Variants in ATF6B observed in about 807,000 individuals in gnomAD.
The protein encoded by ATF6B is cyclic AMP-dependent transcription factor ATF-6 beta.
A neutral mutation model predicts 83.5 loss-of-function variants in ATF6B; 50 were observed. The observed-to-expected ratio is 0.60, with a 90% CI of 0.48 to 0.76. The LOEUF (loss-of-function observed/expected upper bound fraction) is 0.76, where lower values mean the gene tolerates loss of function less well. Ranked by LOEUF, ATF6B falls within the 30% of genes least tolerant of loss-of-function variation. The pLI is 0.00. For missense variants in ATF6B, 790 were observed against 893.8 expected (o/e 0.88, Z 1.48); for synonymous variants, 344 against 362.8 (o/e 0.95, Z 0.59).
rs1157501422 is a variant in ATF6B at position 32,120,832 on chromosome 6, T to G, written c.771A>C (p.Pro257=). ...KPVVLTTVPM[P]SRAVPPSTTV... ...TGGTGCTGGGAGGCACAGCTCTGGA[T>G]GGCATTGGGACAGTGGTTAGCACTA... Residue 257 remains proline (P), a synonymous_variant, in exon 8 of 18, where the codon CCA becomes CCC. Transcript: ENST00000375203. 2.5e-6 allele frequency: 4 copies of G among 1,608,196 alleles called. No homozygotes were observed. The highest frequency in any genetic ancestry group is 3.4e-6 in the Non-Finnish European group (4 of 1,176,842).
At chr6:32,126,057 A>G in intron 5 of ATF6B, 60 bp downstream of exon 5, 2 of 1,603,914 alleles carry the variant, frequency 1.2e-6, no homozygotes, top group Non-Finnish European at 1.7e-6. Context: ...ACATACACAC[A>G]CACACATAAC....
intron 5 of ATF6B, among the ~76,000 whole-genome samples, chr6:32,123,457 C>G (rs759312911): frequency 6.6e-6 from 1 of 152,082 alleles, no homozygotes; most frequent in Admixed American, 6.6e-5. Context: ...TGGGCGATCT[C>G]GGCTCACTGC....
chr6:32,127,015 C>T, intron 4 of ATF6B, 88 bp downstream of exon 4: 2 of 1,211,650 alleles, frequency 1.7e-6, no homozygotes, highest in South Asian at 1.7e-5. Flanking sequence ...GCACACAAAT[C>T]ATTTAAATCA....
chr6:32,117,722 C>T lies in ATF6B; in HGVS notation c.1425-28G>A. The stretch of plus-strand genomic sequence containing the variant: ...GGAGTGAAGCAGGAAGGAGACAACA[C>T]TTGGAGACTGCCCAGCACTCCCACA... On this transcript the variant is annotated intron_variant, in intron 12 of 17. Coordinates refer to ENST00000375203, the MANE Select transcript of ATF6B (RefSeq NM_004381.5). This position sits in a 1 kb window ranked among gnomAD's most constrained non-coding sequence, Gnocchi z 5.0. 1.9e-6 allele frequency: 3 copies of T among 1,607,856 alleles called. No homozygotes were observed. The highest frequency in any genetic ancestry group is 1.7e-6 in the Non-Finnish European group (2 of 1,176,150).
chr6:32,118,932 C>T lies in ATF6B; in HGVS notation c.1152+24G>A. 1 of 1,613,936 alleles carries T rather than the reference C, an allele frequency of 6.2e-7. No homozygotes were observed. The highest frequency in any genetic ancestry group is 1.1e-5 in the South Asian group (1 of 91,070). On this transcript the variant is annotated intron_variant, in intron 10 of 17. Transcript: ENST00000375203. The surrounding 1 kb of genome is among the most constrained non-coding windows in gnomAD (Gnocchi z 5.2). ...CCAAGGAGGCTGTATTCCTGTTGGT[C>T]TCCCAGGGACAGACTGGTCTTACTT... is the stretch of plus-strand genomic sequence containing the variant.
chr6:32,125,064 G>T lies in ATF6B; in HGVS notation c.478+1053C>A, dbSNP rs888500666. Reference sequence around the variant, plus strand: ...AGGATGGTCTCAATCTCCTGACCTCGTGATCCGCCCACCTCGGCCTCCCAA... The same window carrying T: ...AGGATGGTCTCAATCTCCTGACCTCTTGATCCGCCCACCTCGGCCTCCCAA... On this transcript the variant is annotated intron_variant, in intron 5 of 17. Coordinates refer to ENST00000375203, the MANE Select transcript of ATF6B (RefSeq NM_004381.5). This position sits in a 1 kb window ranked among gnomAD's most constrained non-coding sequence, Gnocchi z 4.1. 6.6e-6 allele frequency among the ~76,000 whole-genome samples: 1 copy of T among 152,094 alleles called. No homozygotes were observed. Among genetic ancestry groups the T allele is most frequent in the African/African-American group, 2.4e-5 (1 of 41,508 alleles).
At position 32,117,071 on chromosome 6, in the gene ATF6B, C is replaced by A. The variant is rs1384697404; in HGVS notation, c.1651G>T (p.Ala551Ser). ...GGTCCAGGGGGTTGGATGGGGACTGCCTTAACTGGAGGTGACTTCTTCCGT... is the reference window on the plus strand; with the variant it reads ...GGTCCAGGGGGTTGGATGGGGACTGACTTAACTGGAGGTGACTTCTTCCGT... ...QPRKKSPPVK[A>S]VPIQPPGPPE... Residue 551 changes from alanine (A) to serine (S), a missense_variant, in exon 15 of 18, where the codon GCA (alanine) becomes TCA (serine). Coordinates refer to ENST00000375203, the MANE Select transcript of ATF6B (RefSeq NM_004381.5). This position sits in a 1 kb window ranked among gnomAD's most constrained non-coding sequence, Gnocchi z 5.0. 1 of 1,614,046 alleles carries A rather than the reference C, an allele frequency of 6.2e-7. No homozygotes were observed. Among genetic ancestry groups the A allele is most frequent in the Admixed American group, 1.7e-5 (1 of 60,012 alleles).
At chr6:32,124,915 T>G (rs1179114858) in intron 5 of ATF6B, among the ~76,000 whole-genome samples, 2 of 151,926 alleles carry the variant, frequency 1.3e-5, no homozygotes, top group African/African-American at 4.8e-5. Flanking sequence ...TGGCGTGATC[T>G]CGGCTCACTG....
At chr6:32,127,079 G>A in intron 4 of ATF6B, 24 bp downstream of exon 4, 2 of 1,542,090 alleles carry the variant, frequency 1.3e-6, no homozygotes, top group Non-Finnish European at 1.8e-6. Context: ...GTCACAGAGA[G>A]TAAGAGGGAT....
intron 5 of ATF6B, 67 bp downstream of exon 5, chr6:32,126,050 T>TAC (rs932323493): frequency 2.5e-5 from 40 of 1,578,228 alleles, no homozygotes; most frequent in East Asian, 6.8e-5. Flanking sequence ...TCTACACACA[T>TAC]ACACACACAC....
chr6:32,116,764 T>C lies in ATF6B; in HGVS notation c.1737A>G (p.Pro579=). The change falls in exon 16 of 18, where the codon CCA becomes CCG. Residue 579 remains proline, a synonymous_variant. Transcript: ENST00000375203. The surrounding 1 kb of genome is among the most constrained non-coding windows in gnomAD (Gnocchi z 5.1). ...QLYRHPDRSQ[P]AFLDAIDRRE... ...GTCGGTCAATTGCATCCAAGAATGC[T>C]GGCTGCGAACGGTCTGGGTGGCGAT... is the stretch of plus-strand genomic sequence containing the variant. 1.2e-6 allele frequency: 2 copies of C among 1,614,110 alleles called. No individual in the cohort carries two copies. Among genetic ancestry groups the C allele is most frequent in the Non-Finnish European group, 1.7e-6 (2 of 1,180,012 alleles).
At chr6:32,120,291 G>C (rs1242318853) in intron 8 of ATF6B, 1 of 185,558 alleles carries the variant, frequency 5.4e-6, no homozygotes, top group African/African-American at 2.4e-5. Flanking sequence ...GTAGAGACGG[G>C]GTTTCACTGT....
chr6:32,120,099 T>TC, intron 8 of ATF6B, 142 bp from the exon 9 acceptor site: 1 of 1,128,228 alleles, frequency 8.9e-7, no homozygotes, highest in Non-Finnish European at 1.2e-6. Context: ...CCTCCTTTTC[T>TC]CCTTTTTTTC....
rs1422172968 is a variant in ATF6B, at chr6:32,126,174, T to G, written c.421A>C (p.Thr141Pro). 10 of 1,614,068 alleles carry G rather than the reference T, an allele frequency of 6.2e-6. No homozygotes were observed. The highest frequency in any genetic ancestry group is 8.5e-6 in the Non-Finnish European group (10 of 1,180,040). The change falls in exon 5 of 18, where the codon ACA becomes CCA. Residue 141 changes from threonine (T) to proline (P), a missense_variant. Physicochemically the swap from Thr to Pro is conservative, Grantham distance 38. Around this residue, in one of 3 missense-constraint regions of ATF6B, gnomAD observed 253 missense variants for 243.1 expected, o/e 1.04. Transcript: ENST00000375203. ...PPLCLLGDDP[T>P]SSFETVQINV... ...ATCTGGACGGTTTCAAATGAGGATGTTGGGTCATCTCCCAGGAGACACAGT... is the reference window on the plus strand; with the variant it reads ...ATCTGGACGGTTTCAAATGAGGATGGTGGGTCATCTCCCAGGAGACACAGT...
rs1365888537 is a variant in ATF6B, at chr6:32,127,185, A to T, written c.260T>A (p.Val87Glu). The change falls in exon 4 of 18, where the codon GTG becomes GAG. Residue 87 changes from valine to glutamate, a missense_variant. This residue lies in a region of ATF6B where 253 missense variants were observed against 243.1 expected (regional missense o/e 1.04). Transcript: ENST00000375203. ...ELLPIFPDLQ[V>E]KSEPSSPCSS... Reference sequence around the variant, plus strand: ...GCAGGGGGAAGATGGCTCAGACTTCACCTGAAGATCTGGAGGAAAGGGAGT... The same window carrying T: ...GCAGGGGGAAGATGGCTCAGACTTCTCCTGAAGATCTGGAGGAAAGGGAGT... 6.2e-7 allele frequency: 1 copy of T among 1,609,682 alleles called. No individual in the cohort carries two copies. The highest frequency in any genetic ancestry group is 8.5e-7 in the Non-Finnish European group (1 of 1,178,320).
Position 32,118,695 on chromosome 6 carries a change from G to A in ATF6B, c.1244+80C>T. The A allele has an allele frequency of 7.0e-7, 1 of 1,425,152 alleles. No homozygotes were observed. 88.3% of individuals were successfully genotyped at this position (1,425,152 alleles called of 1,614,324 possible). A position where few individuals can be genotyped will look rare whatever the true frequency, so the allele number is the denominator to read the frequency against. On this transcript the variant is annotated intron_variant, in intron 11 of 17. Transcript: ENST00000375203. The surrounding 1 kb of genome is among the most constrained non-coding windows in gnomAD (Gnocchi z 5.2). ...ATTTGTATATAAGCAGAAGGAAATG[G>A]CCTGGGCCAAAGCAGGCAGCTAGGA...
rs1443387265 is a variant in ATF6B, at chr6:32,118,464, C to T, written c.1244+311G>A. 6.6e-6 allele frequency among the ~76,000 whole-genome samples: 1 copy of T among 152,138 alleles called. No individual in the cohort carries two copies. The highest frequency in any genetic ancestry group is 1.5e-5 in the Non-Finnish European group (1 of 68,004). On this transcript the variant is annotated intron_variant, in intron 11 of 17. Transcript: ENST00000375203. The surrounding 1 kb of genome is among the most constrained non-coding windows in gnomAD (Gnocchi z 5.2). ...ACAAAAAATTAGCCGGGCATGGTGG[C>T]GTGCGCCTGTAGTCCCAGCTACTTG... is the stretch of plus-strand genomic sequence containing the variant.
At chr6:32,121,532 G>A (rs972190692) in intron 5 of ATF6B, among the ~76,000 whole-genome samples, 184 bp from the exon 6 acceptor site, 2 of 152,032 alleles carry the variant, frequency 1.3e-5, no homozygotes, top group African/African-American at 2.4e-5. Context: ...GAGAAACCCC[G>A]TCTCTACTAA....
In ATF6B at chr6:32,126,270, T is replaced by C. The variant is rs370783953; in HGVS notation, c.343-18A>G. 1.2e-6 allele frequency: 2 copies of C among 1,612,834 alleles called. No homozygotes were observed. The highest frequency in any genetic ancestry group is 1.7e-6 in the Non-Finnish European group (2 of 1,179,500). ...CCAAGAGCCTGGGTGAGAGTTGGTG[T>C]GGGGCAGGGGGCAGAAAGAAGGGCA... is the stretch of plus-strand genomic sequence containing the variant. On this transcript the variant is annotated intron_variant, in intron 4 of 17. Transcript: ENST00000375203.
Sources: allele counts gnomAD v4.1 joint callset (sites outside exome capture counted in the v4.1 genomes callset), GRCh38; gene constraint gnomAD v4.1.1; regional missense constraint gnomAD v4.1.1; non-coding constraint Gnocchi (gnomAD v3.1); transcripts MANE v1.5; gene names NCBI Gene and HGNC (gene_info 2026-07-23, HGNC 2026-07-21).